NEDD4: variants seen among roughly 807,000 people sequenced by gnomAD.
NEDD4 encodes E3 ubiquitin-protein ligase NEDD4.
Under a neutral mutation model 144.9 loss-of-function variants are expected in NEDD4, and 99 were observed. The observed-to-expected ratio is 0.68, with a 90% CI of 0.58 to 0.81. The LOEUF (loss-of-function observed/expected upper bound fraction) is 0.81, where lower values mean the gene tolerates loss of function less well. Ranked by LOEUF, NEDD4 falls within the 30% of genes least tolerant of loss-of-function variation. The pLI is 0.00. For missense variants in NEDD4, 985 were observed against 1,065.9 expected (o/e 0.92, Z 1.06); for synonymous variants, 318 against 350.6 (o/e 0.91, Z 1.04).
intron 5 of NEDD4, among the ~76,000 whole-genome samples, chr15:55,889,824 T>C (rs1399016483): frequency 6.6e-6 from 1 of 152,150 alleles, no homozygotes; most frequent in East Asian, 1.9e-4. Context: ...CCTCAGCCTC[T>C]TGAGTAGCTA....
chr15:55,983,611 T>C (rs2037842096), intron 1 of NEDD4, among the ~76,000 whole-genome samples: 2 of 138,820 alleles, frequency 1.4e-5, no homozygotes, highest in South Asian at 2.3e-4. Context: ...TTTTTAGATA[T>C]ACTTTTTTTT....
chr15:55,964,678 T>A (rs2037481990), intron 2 of NEDD4, among the ~76,000 whole-genome samples: 1 of 127,684 alleles, frequency 7.8e-6, no homozygotes, highest in African/African-American at 3.0e-5. Flanking sequence ...TGTGTGTGTG[T>A]GAATTTTGCT....
chr15:55,858,294 A>G (rs1490907841), intron 11 of NEDD4, among the ~76,000 whole-genome samples: 4 of 127,962 alleles, frequency 3.1e-5, no homozygotes, highest in African/African-American at 1.2e-4. Flanking sequence ...ATCATCAGCA[A>G]ATCAATATGG....
chr15:55,847,118 G>C (rs1008269254), intron 17 of NEDD4, 84 bp from the exon 18 acceptor site: 2 of 774,454 alleles, frequency 2.6e-6, no homozygotes, highest in South Asian at 2.0e-5. Context: ...TTTTATGAAC[G>C]TAAGGGCATT....
intron 2 of NEDD4, among the ~76,000 whole-genome samples, chr15:55,954,077 T>C (rs1230014558): frequency 1.1e-4 from 16 of 151,756 alleles, no homozygotes; most frequent in Admixed American, 9.2e-4. Flanking sequence ...TTCTGTCTCT[T>C]CCCTTTAGAT....
intron 5 of NEDD4, among the ~76,000 whole-genome samples, chr15:55,911,360 GA>G (rs767033414): frequency 3.4e-4 from 52 of 151,962 alleles, no homozygotes; most frequent in Admixed American, 7.2e-4. Context: ...GAATCTCTTT[GA>G]TTTCTCTGCC....
intron 5 of NEDD4, chr15:55,916,607 G>C: frequency 6.2e-7 from 1 of 1,613,980 alleles, no homozygotes; most frequent in East Asian, 2.2e-5. Flanking sequence ...TTTCAGATGA[G>C]GGAACAGATG....
At position 55,961,428 on chromosome 15, in the gene NEDD4, C is replaced by A. The variant is rs116942508; in HGVS notation, c.119+5045G>T. 7.1e-4 allele frequency among the ~76,000 whole-genome samples: 108 copies of A among 152,204 alleles called. 2 individuals carry two copies. The East Asian group carries it at 0.02, about 29-fold the overall frequency. ...CTTCTGAACCACAGAAACTGTGAGACAATAAATGTACGTTCTTTTAAGCAA... is the reference window on the plus strand; with the variant it reads ...CTTCTGAACCACAGAAACTGTGAGAAAATAAATGTACGTTCTTTTAAGCAA... On this transcript the variant is annotated intron_variant, in intron 2 of 28. Transcript: ENST00000435532.
intron 5 of NEDD4, 92 bp from the exon 6 acceptor site, chr15:55,874,100 TAG>T (rs1414925214): frequency 1.0e-5 from 7 of 690,302 alleles, no homozygotes; most frequent in African/African-American, 3.6e-5. Context: ...ACAGAAAATG[TAG>T]AGTTTTTTTT....
intron 5 of NEDD4, among the ~76,000 whole-genome samples, chr15:55,883,931 G>A (rs2035295200): frequency 6.7e-6 from 1 of 150,132 alleles, no homozygotes; most frequent in South Asian, 2.1e-4. Flanking sequence ...CCAGGCTGGA[G>A]TACAGTGGCA....
At chr15:55,875,284 A>C (rs2034955665) in intron 5 of NEDD4, among the ~76,000 whole-genome samples, 1 of 152,180 alleles carries the variant, frequency 6.6e-6, no homozygotes, top group Non-Finnish European at 1.5e-5. Context: ...GGGGAAACTA[A>C]AAATGAATCA....
intron 4 of NEDD4, among the ~76,000 whole-genome samples, chr15:55,941,100 T>C (rs2036994686): frequency 2.0e-5 from 3 of 152,228 alleles, no homozygotes; most frequent in Middle Eastern, 6.8e-3. Flanking sequence ...TTCCTAATAT[T>C]GGTCATCTGA....
At chr15:55,915,333 G>A (rs1308394052) in intron 5 of NEDD4, 2 of 1,609,904 alleles carry the variant, frequency 1.2e-6, no homozygotes, top group Non-Finnish European at 1.7e-6. Context: ...GCTGTCTCTT[G>A]ATAAATTATC....
chr15:55,833,879 G>A (rs1055293446), intron 26 of NEDD4, among the ~76,000 whole-genome samples, 159 bp downstream of exon 26: 3 of 152,134 alleles, frequency 2.0e-5, no homozygotes, highest in Admixed American at 2.0e-4. Context: ...GACCCAGAAG[G>A]TGCATGTATA....
intron 1 of NEDD4, among the ~76,000 whole-genome samples, chr15:55,974,891 C>CTTTTTTTTTTTTTTTTTTTTT (rs56285555): frequency 0.02 from 1,500 of 75,572 alleles, 185 homozygotes; most frequent in Non-Finnish European, 0.025. Flanking sequence ...CTTTTCCTTT[C>CTTTTTTTTTTTTTTTTTTTTT]TTTTTTTTTT....
intron 5 of NEDD4, among the ~76,000 whole-genome samples, chr15:55,898,904 G>A (rs1179290098): frequency 6.6e-6 from 1 of 152,112 alleles, no homozygotes; most frequent in Non-Finnish European, 1.5e-5. Context: ...AGTCTCCTAA[G>A]TGCTGGGCTT....
intron 12 of NEDD4, among the ~76,000 whole-genome samples, chr15:55,855,921 C>G (rs151147895): frequency 6.6e-6 from 1 of 152,276 alleles, no homozygotes; most frequent in Non-Finnish European, 1.5e-5. Flanking sequence ...CCACAGTCAC[C>G]AGCATGCAGA....
At chr15:55,840,091 TA>T (rs2033433857) in intron 21 of NEDD4, among the ~76,000 whole-genome samples, 2 of 138,634 alleles carry the variant, frequency 1.4e-5, no homozygotes, top group Non-Finnish European at 3.0e-5. Flanking sequence ...AAAAGACATA[TA>T]ACTTGGTATA....
intron 5 of NEDD4, among the ~76,000 whole-genome samples, chr15:55,899,303 T>C (rs796821818): frequency 6.6e-6 from 1 of 152,240 alleles, no homozygotes; most frequent in Non-Finnish European, 1.5e-5. Context: ...TTATTAGTTT[T>C]TAAAAATGTA....
Sources: gnomAD v4.1 joint callset for allele counts (sites outside exome capture counted in the v4.1 genomes callset) on GRCh38, gnomAD v4.1.1 for gene constraint, MANE v1.5 for transcripts, NCBI Gene and HGNC (gene_info 2026-07-23, HGNC 2026-07-21) for gene names.